The following EED variants were observed in gnomAD, a reference collection of about 807,000 sequenced individuals.
EED encodes polycomb protein EED.
In EED, 9 loss-of-function variants were observed where a neutral mutation model predicts 61.0. That is an observed-to-expected ratio of 0.15 (90% confidence interval 0.09 to 0.26). The LOEUF (loss-of-function observed/expected upper bound fraction) is 0.26, where lower values mean the gene tolerates loss of function less well. Among genes scored for constraint, EED ranks in the 10% least tolerant of loss-of-function variants. The pLI, the probability that EED is intolerant of heterozygous loss-of-function variation, is 1.00. For synonymous variants in EED, 187 were observed against 174.4 expected (o/e 1.07, Z -0.57); for missense variants, 315 against 542.3 (o/e 0.58, Z 4.16).
chr11:86,271,941 C>CTT (rs149771515), intron 9 of EED, among the ~76,000 whole-genome samples: 4 of 131,664 alleles, frequency 3.0e-5, no homozygotes, highest in Non-Finnish European at 4.8e-5. Flanking sequence ...CTGGTCTTAA[C>CTT]TTTTTTTTTT....
At chr11:86,271,759 G>A (rs1430005770) in intron 9 of EED, among the ~76,000 whole-genome samples, 1 of 151,866 alleles carries the variant, frequency 6.6e-6, no homozygotes, top group East Asian at 1.9e-4. Flanking sequence ...TTTATCTTGT[G>A]TTGCCTATTA....
intron 6 of EED, 114 bp downstream of exon 6, chr11:86,257,710 G>A (rs7931056): frequency 2.7e-6 from 2 of 737,380 alleles, no homozygotes; most frequent in Non-Finnish European, 4.2e-6. Context: ...GAGTCCACAT[G>A]CTTGTATGTC....
At chr11:86,251,397 G>A (rs894531248) in intron 2 of EED, among the ~76,000 whole-genome samples, 2 of 152,104 alleles carry the variant, frequency 1.3e-5, no homozygotes, top group African/African-American at 4.8e-5. Context: ...TATACTTAAG[G>A]CAGTATTTCA....
At chr11:86,254,339 G>A (rs1275714363) in intron 3 of EED, among the ~76,000 whole-genome samples, 2 of 61,772 alleles carry the variant, frequency 3.2e-5, no homozygotes, top group African/African-American at 1.3e-4. Flanking sequence ...TTTTTTTTTT[G>A]AGACTGAGTC....
At chr11:86,263,805 A>C (rs919092464) in intron 6 of EED, 2 of 163,032 alleles carry the variant, frequency 1.2e-5, no homozygotes, top group Non-Finnish European at 1.3e-5. Context: ...AGGGCAGGAG[A>C]GGGTGTGAGG....
At chr11:86,257,493 A>G in intron 5 of EED, 22 bp from the exon 6 acceptor site, 1 of 1,569,282 alleles carries the variant, frequency 6.4e-7, no homozygotes. Context: ...AGGAAACTTG[A>G]AATGTTTTAA....
At position 86,274,586 on chromosome 11, in the gene EED, T is replaced by G. The variant is rs571311779; in HGVS notation, c.967-2394T>G. ...TCTGGGTTCCCCACTCGGTTGACCTTGTGTTGGTGCTTCATTACTGCTCAG... is the reference window on the plus strand; with the variant it reads ...TCTGGGTTCCCCACTCGGTTGACCTGGTGTTGGTGCTTCATTACTGCTCAG... On this transcript the variant is annotated intron_variant, in intron 9 of 11. Transcript: ENST00000263360. 8.5e-5 allele frequency among the ~76,000 whole-genome samples: 13 copies of G among 152,192 alleles called. 1 individual carries two copies. Among genetic ancestry groups the G allele is most frequent in the Admixed American group, 3.9e-4 (6 of 15,282 alleles).
chr11:86,286,743 C>A, the EED span, among the ~76,000 whole-genome samples: 1 of 151,836 alleles, frequency 6.6e-6, no homozygotes, highest in Non-Finnish European at 1.5e-5. Context: ...GAGGCCGAGG[C>A]GGGCAGATCA....
At chr11:86,257,280 C>T (rs1027558638) in intron 5 of EED, among the ~76,000 whole-genome samples, 3 of 150,124 alleles carry the variant, frequency 2.0e-5, no homozygotes, top group Non-Finnish European at 4.4e-5. Context: ...TCAAGCGATT[C>T]TGCCTTAGCT....
At chr11:86,245,484 T>C (rs1351726753) in intron 1 of EED, 141 bp downstream of exon 1, 1 of 715,234 alleles carries the variant, frequency 1.4e-6, no homozygotes, top group Non-Finnish European at 2.4e-6. Flanking sequence ...CGGGAGAAAA[T>C]TGAAATTGCC....
chr11:86,283,305 A>G (rs1276035015), downstream of EED, among the ~76,000 whole-genome samples: 2 of 152,102 alleles, frequency 1.3e-5, no homozygotes, highest in South Asian at 2.1e-4. Flanking sequence ...ACCACCAAAG[A>G]CTTTAGATAT....
At chr11:86,245,636 A>G (rs1191276088) in intron 1 of EED, among the ~76,000 whole-genome samples, 1 of 151,830 alleles carries the variant, frequency 6.6e-6, no homozygotes, top group Non-Finnish European at 1.5e-5. Context: ...GGGGGATTTA[A>G]GGGGAGAGTG....
chr11:86,266,019 C>G (rs1945966891), intron 7 of EED, 64 bp from the exon 8 acceptor site: 3 of 1,436,074 alleles, frequency 2.1e-6, no homozygotes, highest in Non-Finnish European at 2.8e-6. Context: ...GCACATTAGG[C>G]AAAAATTGGA....
chr11:86,280,732 T>C (rs1182652644), downstream of EED, among the ~76,000 whole-genome samples: 1 of 152,246 alleles, frequency 6.6e-6, no homozygotes, highest in Non-Finnish European at 1.5e-5. Flanking sequence ...AATATATCCT[T>C]CACTTTGTTC....
intron 11 of EED, 50 bp from the exon 12 acceptor site, chr11:86,278,349 C>T (rs543573070): frequency 2.5e-6 from 4 of 1,584,254 alleles, no homozygotes; most frequent in African/African-American, 1.3e-5. Flanking sequence ...AGGGTAGACA[C>T]TGACAACGTT....
At chr11:86,266,333 C>G in intron 8 of EED, 117 bp downstream of exon 8, 1 of 844,316 alleles carries the variant, frequency 1.2e-6, no homozygotes, top group East Asian at 2.8e-5. Flanking sequence ...CTTCTTTTAA[C>G]TTTAAGGGAC....
intron 3 of EED, among the ~76,000 whole-genome samples, chr11:86,253,322 G>T (rs1403942248): frequency 6.6e-6 from 1 of 152,150 alleles, no homozygotes; most frequent in African/African-American, 2.4e-5. Context: ...TTTTTTCCTA[G>T]TTGGGAATGT....
rs368680058 is a variant in EED at position 86,276,558 on chromosome 11, G to A, written c.967-422G>A. 1.2e-3 allele frequency: 186 copies of A among 152,978 alleles called. 1 individual carries two copies. The highest frequency in any genetic ancestry group is 7.6e-3 in the South Asian group (37 of 4,852). 9.5% of individuals were successfully genotyped at this position (152,978 alleles called of 1,614,324 possible). A position where few individuals can be genotyped will look rare whatever the true frequency, so the allele number is the denominator to read the frequency against. ...AGAAGCGAAATGGGAGACTGCATGGGGAAAGATGAAACTAGTGAAGTAAGC... is the reference window on the plus strand; with the variant it reads ...AGAAGCGAAATGGGAGACTGCATGGAGAAAGATGAAACTAGTGAAGTAAGC... On this transcript the variant is annotated intron_variant, in intron 9 of 11. Transcript: ENST00000263360.
rs71040225 is a variant in EED at position 86,268,594 on chromosome 11, C to CGTGTGTGTGTGTGTGTGTGT, written c.966+46_966+65dup. 5.1e-5 allele frequency: 42 copies of CGTGTGTGTGTGTGTGTGTGT among 820,720 alleles called. No homozygotes were observed. The Middle Eastern group carries it at 1.4e-3, about 27-fold the overall frequency. The allele number at this position is 820,720 out of a possible 1,614,324, so 50.8% of individuals were successfully genotyped here. A position where few individuals can be genotyped will look rare whatever the true frequency, so the allele number is the denominator to read the frequency against. On this transcript the variant is annotated intron_variant, in intron 9 of 11. Transcript: ENST00000263360. Reference sequence around the variant, plus strand: ...AACTGCAGTTAAGCTGTACTTCCATCGTGTGTGTGTGTGTGTGTGTGTGTG... The same window carrying CGTGTGTGTGTGTGTGTGTGT: ...AACTGCAGTTAAGCTGTACTTCCATCGTGTGTGTGTGTGTGTGTGTGTGTGTGTGTGTGTGTGTGTGTGTG...
Sources: gnomAD v4.1 joint callset for allele counts (sites outside exome capture counted in the v4.1 genomes callset) on GRCh38, gnomAD v4.1.1 for gene constraint, MANE v1.5 for transcripts, NCBI Gene and HGNC (gene_info 2026-07-23, HGNC 2026-07-21) for gene names.